Variants in NEK3 observed in about 807,000 individuals in gnomAD.
NEK3 encodes NIMA related kinase 3, also known as serine/threonine-protein kinase Nek3.
Under a neutral mutation model 66.0 loss-of-function variants are expected in NEK3, and 54 were observed. That is an observed-to-expected ratio of 0.82 (90% CI 0.66 to 1.03). NEK3 has a LOEUF of 1.03. NEK3 is among the 50% of genes least tolerant of loss of function. The pLI, the probability that NEK3 is intolerant of heterozygous loss-of-function variation, is 0.00. For missense variants in NEK3, 593 were observed against 603.0 expected (o/e 0.98, Z 0.17); for synonymous variants, 200 against 206.2 (o/e 0.97, Z 0.26).
At chr13:52,136,456 G>A (rs543559191) in intron 12 of NEK3, among the ~76,000 whole-genome samples, 197 bp from the exon 13 acceptor site, 24 of 151,536 alleles carry the variant, frequency 1.6e-4, no homozygotes, top group Admixed American at 9.9e-4. Context: ...AAATTAAAAC[G>A]AACCATTACA....
chr13:52,133,255 C>T, intron 15 of NEK3, 29 bp from the exon 16 acceptor site: 1 of 1,530,350 alleles, frequency 6.5e-7, no homozygotes, highest in South Asian at 1.2e-5. Context: ...GACCATAAAC[C>T]TCTACATTAG....
intron 1 of NEK3, chr13:52,159,291 T>C (rs1321285047): frequency 6.6e-6 from 1 of 152,006 alleles, no homozygotes; most frequent in Non-Finnish European, 1.5e-5. Context: ...GTCGCCCCGC[T>C]CACCCGTGAG....
In NEK3 at chr13:52,144,761, C is replaced by T. The variant is rs765927889; in HGVS notation, c.734G>A (p.Arg245His). 26 of 1,613,580 alleles carry T rather than the reference C, an allele frequency of 1.6e-5. No homozygotes were observed. Among genetic ancestry groups the T allele is most frequent in the Non-Finnish European group, 1.9e-5 (22 of 1,179,854 alleles). ...KQMFKRNPSH[R>H]PSATTLLSRG... ...AGAGAGAAGCGTTGTAGCCGAGGGGCGATGTGAGGGATTCCTTTTAAACAT... is the reference window on the plus strand; with the variant it reads ...AGAGAGAAGCGTTGTAGCCGAGGGGTGATGTGAGGGATTCCTTTTAAACAT... Residue 245 changes from arginine (R) to histidine (H), a missense_variant, in exon 9 of 16, where the codon CGC becomes CAC. Arg to His is a conservative substitution (Grantham distance 29). Coordinates refer to ENST00000610828, the MANE Select transcript of NEK3 (RefSeq NM_002498.3).
At chr13:52,153,214 AT>A (rs959620187) in intron 4 of NEK3, among the ~76,000 whole-genome samples, 102 of 150,320 alleles carry the variant, frequency 6.8e-4, no homozygotes, top group East Asian at 4.7e-3. Flanking sequence ...TGTCAAACTA[AT>A]TTTTTTTTTC....
At chr13:52,141,186 G>T in intron 10 of NEK3, 117 bp from the exon 11 acceptor site, 1 of 801,246 alleles carries the variant, frequency 1.2e-6, no homozygotes, top group Non-Finnish European at 1.9e-6. Context: ...AAGTCAAAGA[G>T]CCAAAGCTCT....
chr13:52,151,274 T>C (rs954890906), intron 6 of NEK3, 42 bp from the exon 7 acceptor site: 24 of 1,594,804 alleles, frequency 1.5e-5, no homozygotes, highest in Non-Finnish European at 2.1e-5. Context: ...AGAACATTCC[T>C]GAAAATTGAT....
chr13:52,149,144 G>A (rs933621617), intron 7 of NEK3, among the ~76,000 whole-genome samples: 11 of 151,446 alleles, frequency 7.3e-5, no homozygotes, highest in East Asian at 3.9e-4. Flanking sequence ...CGTGATCCGC[G>A]CGCCTCAGCC....
At position 52,135,775 on chromosome 13, in the gene NEK3, A is replaced by T; in HGVS notation, c.1263T>A (p.Asn421Lys). The T allele has an allele frequency of 6.2e-7, 1 of 1,613,694 alleles. No homozygotes were observed. The highest frequency in any genetic ancestry group is 8.5e-7 in the Non-Finnish European group (1 of 1,179,678). The change falls in exon 14 of 16, where the codon AAT becomes AAA. Residue 421 changes from asparagine to lysine, a missense_variant. By Grantham distance (94) the Asn-to-Lys change is moderately conservative. Coordinates refer to ENST00000610828, the MANE Select transcript of NEK3 (RefSeq NM_002498.3). ...TPDTLLNILK[N>K]ADLSLAFQTY... ...TTTGAAAAGCCAAGCTGAGATCAGC[A>T]TTCTTAAGGATGTTCAACAAAGTGT...
chr13:52,138,569 G>C (rs1364829817), intron 11 of NEK3, among the ~76,000 whole-genome samples: 1 of 152,144 alleles, frequency 6.6e-6, no homozygotes, highest in Non-Finnish European at 1.5e-5. Flanking sequence ...AAATTTAAAA[G>C]TTTAATTACT....
At position 52,147,887 on chromosome 13, in the gene NEK3, T is replaced by C. The variant is rs558168456; in HGVS notation, c.603+528A>G. 4.7e-4 allele frequency among the ~76,000 whole-genome samples: 72 copies of C among 152,246 alleles called. No homozygotes were observed. In the South Asian group the frequency reaches 0.015, roughly 31 times the overall value. On this transcript the variant is annotated intron_variant, in intron 8 of 15. Transcript: ENST00000610828. ...GGTATGCACCTGTAGTCCCAGCTACTTGGGAGGCTGAGGCAGGAGAATCAC... is the reference window on the plus strand; with the variant it reads ...GGTATGCACCTGTAGTCCCAGCTACCTGGGAGGCTGAGGCAGGAGAATCAC...
At chr13:52,146,645 T>C (rs1259668872) in intron 8 of NEK3, among the ~76,000 whole-genome samples, 1 of 152,254 alleles carries the variant, frequency 6.6e-6, no homozygotes, top group Non-Finnish European at 1.5e-5. Flanking sequence ...GGGCTGTACA[T>C]TGTAATCACC....
chr13:52,154,999 T>C (rs750667586), intron 2 of NEK3, among the ~76,000 whole-genome samples: 8 of 151,672 alleles, frequency 5.3e-5, no homozygotes, highest in Non-Finnish European at 1.2e-4. Context: ...ATTGATTGTA[T>C]AGTAACACAA....
chr13:52,155,090 A>G (rs1296542266), intron 2 of NEK3, among the ~76,000 whole-genome samples: 1 of 152,054 alleles, frequency 6.6e-6, no homozygotes, highest in African/African-American at 2.4e-5. Flanking sequence ...GACCTACTCA[A>G]TCGGAAGCCT....
intron 3 of NEK3, 43 bp from the exon 4 acceptor site, chr13:52,154,035 A>C: frequency 6.2e-7 from 1 of 1,602,006 alleles, no homozygotes; most frequent in Non-Finnish European, 8.5e-7. Context: ...TAGTGGCTAT[A>C]AATCAAATTC....
Position 52,153,938 on chromosome 13 carries a change from T to C in NEK3, c.266A>G (p.Gln89Arg). 3 of 1,612,992 alleles carry C rather than the reference T, an allele frequency of 1.9e-6. No individual in the cohort carries two copies. In the South Asian group the frequency reaches 3.3e-5, roughly 18 times the overall value. The stretch of plus-strand genomic sequence containing the variant: ...CTTTCCTTTCTGCTGTTTAATCTTT[T>C]GCATTAGATCCCCTCCATCACAGTA... The part of the protein sequence containing the change: ...MEYCDGGDLM[Q>R]KIKQQKGKLF... The change falls in exon 4 of 16, where the codon CAA (glutamine) becomes CGA (arginine). Residue 89 changes from glutamine (Q) to arginine (R), a missense_variant. Transcript: ENST00000610828.
At chr13:52,158,873 C>T (rs192135893) in intron 1 of NEK3, among the ~76,000 whole-genome samples, 234 of 152,294 alleles carry the variant, frequency 1.5e-3, no homozygotes, top group African/African-American at 5.5e-3. Context: ...TCTAACCTCA[C>T]GGGCTAAGTT....
At chr13:52,151,457 C>T (rs1956346099) in intron 5 of NEK3, 65 bp from the exon 6 acceptor site, 1 of 1,384,850 alleles carries the variant, frequency 7.2e-7, no homozygotes, top group Non-Finnish European at 1.0e-6. Flanking sequence ...GATAAGCTGT[C>T]TTCCAAAGCC....
chr13:52,144,556 A>C (rs1446278632), intron 9 of NEK3, 135 bp downstream of exon 9: 1 of 723,428 alleles, frequency 1.4e-6, no homozygotes, highest in African/African-American at 1.8e-5. Context: ...ACGAAGTTTT[A>C]ACTTTTTATT....
chr13:52,145,443 A>G lies in NEK3; in HGVS notation c.604-552T>C, dbSNP rs145928381. ...CTCAGCCTCCCAAATAGCTGGGACTACAGGCATGTGCCACCGCGCCTGGCT... is the reference window on the plus strand; with the variant it reads ...CTCAGCCTCCCAAATAGCTGGGACTGCAGGCATGTGCCACCGCGCCTGGCT... On this transcript the variant is annotated intron_variant, in intron 8 of 15. Transcript: ENST00000610828. Among the ~76,000 whole-genome samples, 1,031 of 152,200 alleles carry G rather than the reference A, an allele frequency of 6.8e-3. 14 individuals carry two copies. The highest frequency in any genetic ancestry group is 0.023 in the African/African-American group (955 of 41,542).
Sources: allele counts gnomAD v4.1 joint callset (sites outside exome capture counted in the v4.1 genomes callset), GRCh38; gene constraint gnomAD v4.1.1; transcripts MANE v1.5; gene names NCBI Gene and HGNC (gene_info 2026-07-23, HGNC 2026-07-21).